Variants in ZCCHC7 observed in about 807,000 individuals in gnomAD.
The protein encoded by ZCCHC7 is zinc finger CCHC domain-containing protein 7.
A neutral mutation model predicts 52.0 loss-of-function variants in ZCCHC7; 35 were observed. The ratio of observed to expected loss-of-function variants is 0.67; its 90% CI spans 0.51 to 0.89. The LOEUF (loss-of-function observed/expected upper bound fraction) is 0.89, where lower values mean the gene tolerates loss of function less well. Among genes scored for constraint, ZCCHC7 ranks in the 40% least tolerant of loss-of-function variants. The pLI, the probability that ZCCHC7 is intolerant of heterozygous loss-of-function variation, is 0.00. For missense variants in ZCCHC7, 574 were observed against 649.1 expected (o/e 0.88, Z 1.26); for synonymous variants, 217 against 221.5 (o/e 0.98, Z 0.18).
At chr9:37,352,181 T>C (rs1168647023) in intron 7 of ZCCHC7, among the ~76,000 whole-genome samples, 1 of 152,238 alleles carries the variant, frequency 6.6e-6, no homozygotes, top group African/African-American at 2.4e-5. Context: ...GTCTAGACCA[T>C]ACAAGACCCA....
intron 5 of ZCCHC7, among the ~76,000 whole-genome samples, chr9:37,313,537 G>A (rs1829685370): frequency 6.6e-6 from 1 of 152,144 alleles, no homozygotes; most frequent in Non-Finnish European, 1.5e-5. Flanking sequence ...TTTTAAACTT[G>A]AAGGCATATG....
Position 37,126,391 on chromosome 9 carries a change from A to C in ZCCHC7, c.59A>C (p.Glu20Ala). Residue 20 changes from glutamate (E) to alanine (A), a missense_variant, in exon 2 of 9, where the codon GAG becomes GCG. Physicochemically the swap from Glu to Ala is moderately radical, Grantham distance 107. Around this residue, in one of 3 missense-constraint regions of ZCCHC7, gnomAD observed 403 missense variants for 461.2 expected, o/e 0.87. Coordinates refer to ENST00000336755, the MANE Select transcript of ZCCHC7 (RefSeq NM_032226.3). The stretch of plus-strand genomic sequence containing the variant: ...TACGAAGATGATCTTTATCGAGATG[A>C]GTCATCTAGTGAACTGAGTGTTGAT... ...EAYEDDLYRDESSSELSVDSE... is the reference protein window; with the variant it reads ...EAYEDDLYRDASSSELSVDSE... 2.5e-6 allele frequency: 4 copies of C among 1,614,112 alleles called. No individual in the cohort carries two copies. The highest frequency in any genetic ancestry group is 3.4e-6 in the Non-Finnish European group (4 of 1,180,000).
intron 2 of ZCCHC7, among the ~76,000 whole-genome samples, chr9:37,236,463 C>T (rs1825656535): frequency 6.6e-6 from 1 of 151,510 alleles, no homozygotes; most frequent in African/African-American, 2.4e-5. Flanking sequence ...GCTGTCTCGG[C>T]TCACTGCAAG....
chr9:37,160,952 A>ATT (rs879309927), intron 2 of ZCCHC7, among the ~76,000 whole-genome samples: 1 of 143,556 alleles, frequency 7.0e-6, no homozygotes. Flanking sequence ...GGGCTCAATA[A>ATT]TTTTTTTTTT....
At chr9:37,185,922 TTTTATTTA>T (rs146660938) in intron 2 of ZCCHC7, among the ~76,000 whole-genome samples, 3 of 151,880 alleles carry the variant, frequency 2.0e-5, no homozygotes, top group African/African-American at 7.3e-5. Context: ...CATTCATGCA[TTTTATTTA>T]TTTATTTATT....
At chr9:37,342,781 G>T (rs761583789) in intron 6 of ZCCHC7, among the ~76,000 whole-genome samples, 1 of 152,150 alleles carries the variant, frequency 6.6e-6, no homozygotes, top group African/African-American at 2.4e-5. Context: ...TATTATTCCC[G>T]TTTTACAGAT....
chr9:37,294,763 A>C (rs2133653620), intron 2 of ZCCHC7, among the ~76,000 whole-genome samples: 1 of 152,232 alleles, frequency 6.6e-6, no homozygotes, highest in Admixed American at 6.5e-5. Context: ...ATAGTATTCA[A>C]GTTATTCTGA....
chr9:37,270,314 A>G (rs967386525), intron 2 of ZCCHC7, among the ~76,000 whole-genome samples: 5 of 152,184 alleles, frequency 3.3e-5, no homozygotes, highest in African/African-American at 1.2e-4. Context: ...GAATGTCTAC[A>G]TATTATCAGA....
chr9:37,191,852 C>T (rs1214653800), intron 2 of ZCCHC7, among the ~76,000 whole-genome samples: 1 of 152,186 alleles, frequency 6.6e-6, no homozygotes, highest in Non-Finnish European at 1.5e-5. Context: ...TTAATTCAGC[C>T]TTCATTAAAA....
chr9:37,349,248 ACT>A (rs1821212543), intron 6 of ZCCHC7, 107 bp from the exon 7 acceptor site: 3 of 1,058,386 alleles, frequency 2.8e-6, no homozygotes, highest in Admixed American at 2.3e-5. Flanking sequence ...TCCATACAAA[ACT>A]CTAAGAAACT....
intron 2 of ZCCHC7, among the ~76,000 whole-genome samples, chr9:37,142,245 C>T (rs748527336): frequency 7.2e-5 from 11 of 151,804 alleles, no homozygotes; most frequent in Middle Eastern, 3.4e-3. Flanking sequence ...AATGTTGATA[C>T]ATAGGGAAAA....
chr9:37,139,715 CT>C (rs2132762082), intron 2 of ZCCHC7, among the ~76,000 whole-genome samples: 1 of 152,042 alleles, frequency 6.6e-6, no homozygotes, highest in African/African-American at 2.4e-5. Context: ...CCCTCCCTCG[CT>C]TTTGCTTAAA....
Position 37,349,372 on chromosome 9 carries a change from C to T in ZCCHC7, c.1003C>T (p.Pro335Ser), listed in dbSNP as rs1821221733. ...QYHLTTKPGPPKKPKTPSRPS... is the reference protein window; with the variant it reads ...QYHLTTKPGPSKKPKTPSRPS... ...CATGTTGCAGACCAAACCTGGACCA[C>T]CCAAAAAGCCGAAGACCCCTTCAAG... The change falls in exon 7 of 9, where the codon CCC (proline) becomes TCC (serine). Residue 335 changes from proline to serine, a missense_variant. Physicochemically the swap from Pro to Ser is moderately conservative, Grantham distance 74 (BLOSUM62 -1). Around this residue, in one of 3 missense-constraint regions of ZCCHC7, gnomAD observed 403 missense variants for 461.2 expected, o/e 0.87. Coordinates refer to ENST00000336755, the MANE Select transcript of ZCCHC7 (RefSeq NM_032226.3). The T allele has an allele frequency of 4.3e-6, 7 of 1,613,914 alleles. No individual in the cohort carries two copies. The highest frequency in any genetic ancestry group is 1.3e-5 in the African/African-American group (1 of 74,902).
intron 2 of ZCCHC7, among the ~76,000 whole-genome samples, chr9:37,154,915 A>G (rs1820727716): frequency 6.6e-6 from 1 of 152,222 alleles, no homozygotes; most frequent in South Asian, 2.1e-4. Flanking sequence ...TTATTAAAGT[A>G]TAGAGAATTT....
At chr9:37,349,730 G>C (rs982594715) in intron 7 of ZCCHC7, among the ~76,000 whole-genome samples, 1 of 152,074 alleles carries the variant, frequency 6.6e-6, no homozygotes, top group Admixed American at 6.5e-5. Context: ...CAGTATGATA[G>C]CAGTTCTCAT....
chr9:37,193,049 G>A (rs1459718345), intron 2 of ZCCHC7, among the ~76,000 whole-genome samples: 1 of 152,042 alleles, frequency 6.6e-6, no homozygotes, highest in Non-Finnish European at 1.5e-5. Flanking sequence ...GGCTATTTTA[G>A]GATTTTAACC....
At chr9:37,123,473 C>T (rs1004452799) in intron 1 of ZCCHC7, among the ~76,000 whole-genome samples, 1 of 152,148 alleles carries the variant, frequency 6.6e-6, no homozygotes, top group African/African-American at 2.4e-5. Context: ...CATTTTTCTA[C>T]ATTTCAGGGA....
intron 5 of ZCCHC7, among the ~76,000 whole-genome samples, chr9:37,315,628 T>C (rs558646831): frequency 1.3e-5 from 2 of 151,960 alleles, no homozygotes; most frequent in South Asian, 2.1e-4. Context: ...GTTTCAGATA[T>C]AAAGGAAGAC....
intron 2 of ZCCHC7, among the ~76,000 whole-genome samples, chr9:37,207,500 T>G (rs1005851071): frequency 2.7e-4 from 8 of 29,810 alleles, no homozygotes; most frequent in East Asian, 1.2e-3. Flanking sequence ...CTCCAGAGTT[T>G]TTTTTTTTTT....
Sources: allele counts gnomAD v4.1 joint callset (sites outside exome capture counted in the v4.1 genomes callset), GRCh38; gene constraint gnomAD v4.1.1; regional missense constraint gnomAD v4.1.1; transcripts MANE v1.5; gene names NCBI Gene and HGNC (gene_info 2026-07-23, HGNC 2026-07-21).